RSPO4: variants seen among roughly 807,000 people sequenced by gnomAD.
The protein encoded by RSPO4 is R-spondin 4.
Under a neutral mutation model 24.8 loss-of-function variants are expected in RSPO4, and 23 were observed. The observed-to-expected ratio is 0.93, with a 90% CI of 0.67 to 1.31. RSPO4 has a LOEUF of 1.31. Ranked by LOEUF, RSPO4 falls within the 40% of genes most tolerant of loss-of-function variation. RSPO4 has a pLI of 0.00. For missense variants in RSPO4, 333 were observed against 316.5 expected (o/e 1.05, Z -0.39); for synonymous variants, 141 against 127.4 (o/e 1.11, Z -0.72).
intron 1 of RSPO4, among the ~76,000 whole-genome samples, chr20:989,633 TG>T (rs1442020238): frequency 6.6e-6 from 1 of 152,150 alleles, no homozygotes; most frequent in African/African-American, 2.4e-5. Flanking sequence ...CTCCTGGCCC[TG>T]GGGGCACTAT....
chr20:997,126 A>T (rs969970945), intron 1 of RSPO4, among the ~76,000 whole-genome samples: 2 of 152,206 alleles, frequency 1.3e-5, no homozygotes, highest in Non-Finnish European at 2.9e-5. Context: ...AAATAGGCAT[A>T]ACACAAGGCA....
intron 1 of RSPO4, among the ~76,000 whole-genome samples, chr20:968,372 G>T (rs1984300046): frequency 6.6e-6 from 1 of 152,244 alleles, no homozygotes; most frequent in Admixed American, 6.5e-5. Context: ...TGCCTTAAAG[G>T]GCAGGGGTGT....
chr20:994,707 G>A (rs1233050597), intron 1 of RSPO4, among the ~76,000 whole-genome samples: 2 of 152,158 alleles, frequency 1.3e-5, no homozygotes, highest in Non-Finnish European at 2.9e-5. Context: ...GGGATTACAG[G>A]TGTGCACTAA....
chr20:993,563 T>C (rs919152045), intron 1 of RSPO4, among the ~76,000 whole-genome samples: 2 of 152,028 alleles, frequency 1.3e-5, no homozygotes, highest in African/African-American at 4.8e-5. Flanking sequence ...GCCTCATCTG[T>C]AGAAGAGGGA....
chr20:993,420 G>A (rs779352617), intron 1 of RSPO4, among the ~76,000 whole-genome samples: 2 of 152,194 alleles, frequency 1.3e-5, no homozygotes, highest in African/African-American at 2.4e-5. Context: ...GGGCAAATGT[G>A]TCCTGGATGC....
chr20:960,818 T>G (rs560054529), intron 4 of RSPO4, among the ~76,000 whole-genome samples: 2 of 152,186 alleles, frequency 1.3e-5, no homozygotes, highest in Non-Finnish European at 2.9e-5. Flanking sequence ...CCCGGCACAC[T>G]CCTTCCATAG....
At chr20:968,546 A>G (rs1035704478) in intron 1 of RSPO4, among the ~76,000 whole-genome samples, 1 of 152,266 alleles carries the variant, frequency 6.6e-6, no homozygotes. Flanking sequence ...CTGCTGTACC[A>G]GCTCTAGCCT....
intron 1 of RSPO4, among the ~76,000 whole-genome samples, chr20:976,334 G>A (rs776368576): frequency 6.6e-6 from 1 of 152,210 alleles, no homozygotes; most frequent in Non-Finnish European, 1.5e-5. Flanking sequence ...GGCCAGCAGG[G>A]TCCAGGGACA....
intron 3 of RSPO4, among the ~76,000 whole-genome samples, chr20:966,857 C>T (rs1984217899): frequency 6.6e-6 from 1 of 150,500 alleles, no homozygotes; most frequent in South Asian, 2.1e-4. Flanking sequence ...CTATCTCAAA[C>T]AAAACAAGCA....
chr20:999,683 T>C (rs1410912198), intron 1 of RSPO4, among the ~76,000 whole-genome samples: 1 of 151,964 alleles, frequency 6.6e-6, no homozygotes, highest in Non-Finnish European at 1.5e-5. Flanking sequence ...GGAGGGATGC[T>C]GAGAGCCCCT....
At position 960,320 on chromosome 20, in the gene RSPO4, C is replaced by T. The variant is rs767846748; in HGVS notation, c.*37G>A. On this transcript the variant is annotated 3_prime_UTR_variant, in exon 5 of 5. Coordinates refer to ENST00000217260, the MANE Select transcript of RSPO4 (RefSeq NM_001029871.4). ...AGGAGCAGGAGGAGGTGTGCAGGGGCCGAGGACTAGGACCAGAGAGTCGGG... is the reference window on the plus strand; with the variant it reads ...AGGAGCAGGAGGAGGTGTGCAGGGGTCGAGGACTAGGACCAGAGAGTCGGG... 3.9e-5 allele frequency: 54 copies of T among 1,395,570 alleles called. No individual in the cohort carries two copies. The South Asian group carries it at 6.2e-4, about 16-fold the overall frequency. 86.4% of individuals were successfully genotyped at this position (1,395,570 alleles called of 1,614,324 possible).
At chr20:980,851 G>C (rs1984713308) in intron 1 of RSPO4, among the ~76,000 whole-genome samples, 1 of 152,166 alleles carries the variant, frequency 6.6e-6, no homozygotes, top group African/African-American at 2.4e-5. Context: ...GGTGTGCCCA[G>C]GGTTGTACGT....
chr20:995,000 C>T (rs562512523), intron 1 of RSPO4, among the ~76,000 whole-genome samples: 2 of 152,338 alleles, frequency 1.3e-5, no homozygotes, highest in Non-Finnish European at 2.9e-5. Flanking sequence ...CTGCCTTCCT[C>T]TACCAATTCA....
chr20:961,187 T>C (rs1983986285), intron 4 of RSPO4, among the ~76,000 whole-genome samples: 1 of 152,196 alleles, frequency 6.6e-6, no homozygotes, highest in Non-Finnish European at 1.5e-5. Context: ...CTGTCATTGT[T>C]ATGGACAGGT....
At chr20:965,788 G>A (rs1302056367) in intron 3 of RSPO4, among the ~76,000 whole-genome samples, 2 of 152,318 alleles carry the variant, frequency 1.3e-5, no homozygotes, top group East Asian at 3.9e-4. Flanking sequence ...TTGTTCTCAG[G>A]TGTCGCTTCT....
chr20:986,971 C>T (rs1332479288), intron 1 of RSPO4, among the ~76,000 whole-genome samples: 4 of 152,140 alleles, frequency 2.6e-5, no homozygotes, highest in Non-Finnish European at 5.9e-5. Context: ...GATACGGAAA[C>T]TGTAAAAGAC....
chr20:998,986 T>TCTC (rs199702809), intron 1 of RSPO4, among the ~76,000 whole-genome samples: 14 of 83,562 alleles, frequency 1.7e-4, no homozygotes, highest in African/African-American at 9.5e-4. Flanking sequence ...TCTCGCTCTC[T>TCTC]TTTTTTTTTT....
At chr20:961,931 C>T (rs1018251142) in intron 4 of RSPO4, among the ~76,000 whole-genome samples, 1 of 152,026 alleles carries the variant, frequency 6.6e-6, no homozygotes, top group Non-Finnish European at 1.5e-5. Context: ...TACCTACCCA[C>T]CCACCTAATC....
chr20:967,930 A>G lies in RSPO4; in HGVS notation c.268+20T>C, dbSNP rs764421212. 1 of 1,612,920 alleles carries G rather than the reference A, an allele frequency of 6.2e-7. No homozygotes were observed. Among genetic ancestry groups the G allele is most frequent in the Non-Finnish European group, 8.5e-7 (1 of 1,178,898 alleles). ...TCTAGGAGCCCAGCACTAGCATAGA[A>G]CAAGGGAGAAGCCACGTACTTTTGC... is the stretch of plus-strand genomic sequence containing the variant. On this transcript the variant is annotated intron_variant, in intron 2 of 4. Transcript: ENST00000217260.
Sources: gnomAD v4.1 joint callset for allele counts (sites outside exome capture counted in the v4.1 genomes callset) on GRCh38, gnomAD v4.1.1 for gene constraint, MANE v1.5 for transcripts, NCBI Gene and HGNC (gene_info 2026-07-23, HGNC 2026-07-21) for gene names.